The following N4BP1 variants were observed in gnomAD, a reference collection of about 807,000 sequenced individuals.
The protein encoded by N4BP1 is NEDD4 binding protein 1.
N4BP1 carries 21 observed loss-of-function variants against 70.9 expected under a neutral mutation model. That is an observed-to-expected ratio of 0.30 (90% CI 0.21 to 0.43). N4BP1 has a LOEUF of 0.43. Among genes scored for constraint, N4BP1 ranks in the 20% least tolerant of loss-of-function variants. The pLI is 1.00. For synonymous variants in N4BP1, 387 were observed against 394.6 expected (o/e 0.98, Z 0.23); for missense variants, 936 against 1,069.4 (o/e 0.88, Z 1.74).
At chr16:48,601,428 TG>T (rs1036572949) in intron 1 of N4BP1, among the ~76,000 whole-genome samples, 1 of 152,144 alleles carries the variant, frequency 6.6e-6, no homozygotes, top group African/African-American at 2.4e-5. Flanking sequence ...GTAGAATTTA[TG>T]GGTACAACAT....
intron 6 of N4BP1, among the ~76,000 whole-genome samples, chr16:48,543,896 C>T (rs1963549783): frequency 6.6e-6 from 1 of 152,184 alleles, no homozygotes. Flanking sequence ...AAGTGATTCC[C>T]AACTTCTTAA....
Position 48,610,022 on chromosome 16 carries a change from C to T in N4BP1, c.-50G>A, listed in dbSNP as rs982857459. On this transcript the variant is annotated 5_prime_UTR_variant, in exon 1 of 7. Transcript: ENST00000262384. Reference sequence around the variant, plus strand: ...CGCCGGGGGCCGGCGGCGGCGACGCCCCCTCAGCTTGCTGCCGCTGCTCCC... The same window carrying T: ...CGCCGGGGGCCGGCGGCGGCGACGCTCCCTCAGCTTGCTGCCGCTGCTCCC... 1.3e-5 allele frequency: 13 copies of T among 1,037,260 alleles called. No individual in the cohort carries two copies. In the East Asian group the frequency reaches 6.2e-4, roughly 50 times the overall value. 64.3% of individuals were successfully genotyped at this position (1,037,260 alleles called of 1,614,324 possible).
chr16:48,556,413 G>GT (rs1335697968), intron 2 of N4BP1, among the ~76,000 whole-genome samples: 6 of 152,134 alleles, frequency 3.9e-5, no homozygotes, highest in Admixed American at 3.9e-4. Context: ...TCAAACCAGA[G>GT]TAGCATGTTG....
At chr16:48,589,666 A>G (rs1964303681) in intron 1 of N4BP1, among the ~76,000 whole-genome samples, 1 of 152,228 alleles carries the variant, frequency 6.6e-6, no homozygotes, top group Admixed American at 6.5e-5. Flanking sequence ...ATCGATTTAT[A>G]GCCCATCAGT....
intron 5 of N4BP1, among the ~76,000 whole-genome samples, chr16:48,547,455 T>C (rs1963605508): frequency 6.6e-6 from 1 of 152,236 alleles, no homozygotes; most frequent in Non-Finnish European, 1.5e-5. Context: ...ACTCTTGACA[T>C]AACTTTGTTT....
intron 3 of N4BP1, 99 bp from the exon 4 acceptor site, chr16:48,551,581 G>T: frequency 2.5e-6 from 2 of 796,422 alleles, no homozygotes; most frequent in Admixed American, 2.8e-5. Context: ...TTGGAGAGCT[G>T]TAGAAAACCT....
Position 48,595,240 on chromosome 16 carries a change from T to A in N4BP1, c.198+14535A>T, listed in dbSNP as rs965137003. Among the ~76,000 whole-genome samples the A allele has an allele frequency of 5.7e-4, 86 of 151,810 alleles. 1 individual carries two copies. Among genetic ancestry groups the A allele is most frequent in the African/African-American group, 1.9e-3 (78 of 41,316 alleles). ...ACTTTGGGAGGCTGAGGCGGGTGGA[T>A]CATTTGAGGCCAGGAGTTCGAGACC... On this transcript the variant is annotated intron_variant, in intron 1 of 6. Transcript: ENST00000262384.
intron 1 of N4BP1, among the ~76,000 whole-genome samples, chr16:48,580,750 T>C (rs1301429069): frequency 6.6e-6 from 1 of 152,146 alleles, no homozygotes; most frequent in Non-Finnish European, 1.5e-5. Context: ...AGATTGAAAA[T>C]ACTCAGAAAA....
chr16:48,557,426 A>C (rs1449638864), intron 2 of N4BP1, among the ~76,000 whole-genome samples: 1 of 152,248 alleles, frequency 6.6e-6, no homozygotes, highest in African/African-American at 2.4e-5. Flanking sequence ...TAACCCTGGA[A>C]AACATTTTTA....
chr16:48,545,949 C>T, intron 6 of N4BP1, 198 bp downstream of exon 6: 1 of 423,924 alleles, frequency 2.4e-6, no homozygotes, highest in Non-Finnish European at 4.2e-6. Flanking sequence ...ATCGCTGAAG[C>T]CCAGTGGGGC....
chr16:48,561,400 A>C lies in N4BP1; in HGVS notation c.1243T>G (p.Tyr415Asp), dbSNP rs761492532. ...ETNKTKNKGV[Y>D]SSTNELTTDS... ...GTTGTAAGCTCATTTGTGCTGCTAT[A>C]AACACCTTTATTTTTGGTTTTGTTG... Residue 415 changes from tyrosine (Y) to aspartate (D), a missense_variant, in exon 2 of 7, where the codon TAT becomes GAT. Coordinates refer to ENST00000262384, the MANE Select transcript of N4BP1 (RefSeq NM_153029.4). The C allele has an allele frequency of 6.2e-7, 1 of 1,613,910 alleles. No homozygotes were observed. The highest frequency in any genetic ancestry group is 1.1e-5 in the South Asian group (1 of 91,086).
At chr16:48,586,229 A>C (rs112865509) in intron 1 of N4BP1, among the ~76,000 whole-genome samples, 81 of 152,338 alleles carry the variant, frequency 5.3e-4, no homozygotes, top group African/African-American at 1.1e-3. Flanking sequence ...AGTACACTGC[A>C]GCCTCAGAAT....
chr16:48,609,997 C>T lies in N4BP1; in HGVS notation c.-25G>A. The T allele has an allele frequency of 2.6e-6, 3 of 1,154,188 alleles. No homozygotes were observed. The highest frequency in any genetic ancestry group is 3.2e-6 in the Non-Finnish European group (3 of 938,702). The allele number at this position is 1,154,188 out of a possible 1,614,324, so 71.5% of individuals were successfully genotyped here. On this transcript the variant is annotated 5_prime_UTR_variant, in exon 1 of 7. Coordinates refer to ENST00000262384, the MANE Select transcript of N4BP1 (RefSeq NM_153029.4). ...TGGCGGGCGCGGCCTCCCGCGGCGG[C>T]GCCGGGGGCCGGCGGCGGCGACGCC...
At chr16:48,550,269 T>C (rs889334945) in intron 4 of N4BP1, among the ~76,000 whole-genome samples, 6 of 152,046 alleles carry the variant, frequency 3.9e-5, no homozygotes, top group African/African-American at 1.4e-4. Flanking sequence ...TCCCAGCACT[T>C]TGGGAGGCCG....
chr16:48,546,711 C>G (rs1963596217), intron 5 of N4BP1: 1 of 152,422 alleles, frequency 6.6e-6, no homozygotes, highest in Non-Finnish European at 1.5e-5. Context: ...TAAAGGAAAT[C>G]TGAGGTCTTT....
At chr16:48,578,770 TA>T (rs1964135375) in intron 1 of N4BP1, among the ~76,000 whole-genome samples, 2 of 152,244 alleles carry the variant, frequency 1.3e-5, no homozygotes, top group South Asian at 4.1e-4. Context: ...CTTATTTCTA[TA>T]ACCTAGTTTA....
At chr16:48,599,717 T>C (rs1964469035) in intron 1 of N4BP1, among the ~76,000 whole-genome samples, 2 of 152,238 alleles carry the variant, frequency 1.3e-5, no homozygotes, top group South Asian at 4.1e-4. Context: ...ACTGAACATT[T>C]CATAGCTTGC....
At chr16:48,600,213 G>A (rs767830892) in intron 1 of N4BP1, 47 of 736,480 alleles carry the variant, frequency 6.4e-5, no homozygotes, top group East Asian at 2.5e-4. Flanking sequence ...CCCTGGCCAC[G>A]GCATGATGTT....
At chr16:48,554,145 T>C (rs1963715972) in intron 2 of N4BP1, among the ~76,000 whole-genome samples, 1 of 150,330 alleles carries the variant, frequency 6.7e-6, no homozygotes, top group African/African-American at 2.5e-5. Context: ...AAGGCTATTT[T>C]AAGAATGCAG....
Sources: allele counts gnomAD v4.1 joint callset (sites outside exome capture counted in the v4.1 genomes callset), GRCh38; gene constraint gnomAD v4.1.1; transcripts MANE v1.5; gene names NCBI Gene and HGNC (gene_info 2026-07-23, HGNC 2026-07-21).